Variants in QRSL1 observed in about 807,000 individuals in gnomAD.
QRSL1 encodes the protein glutamyl-tRNA(Gln) amidotransferase subunit A, mitochondrial.
In QRSL1, 54 loss-of-function variants were observed where a neutral mutation model predicts 61.6. That is an observed-to-expected ratio of 0.88 (90% confidence interval 0.70 to 1.10). The LOEUF is 1.10. Ranked by LOEUF, QRSL1 falls within the 50% of genes least tolerant of loss-of-function variation. The pLI is 0.00. For synonymous variants in QRSL1, 228 were observed against 225.7 expected, an observed-to-expected ratio of 1.01 and a Z score of -0.09; for missense variants, 505 against 622.6, an observed-to-expected ratio of 0.81 and a Z score of 2.01.
In QRSL1 at chr6:106,654,715, A is replaced by C. The variant is rs1777240635; in HGVS notation, c.850-15A>C. On this transcript the variant is annotated splice_polypyrimidine_tract_variant and intron_variant, in intron 7 of 10. Coordinates refer to ENST00000369046, the MANE Select transcript of QRSL1 (RefSeq NM_018292.5). ...TATACAGTTCCAATTTTGTATCTTGACTTTTTGCTATAAGGAATATCTTGT... is the reference window on the plus strand; with the variant it reads ...TATACAGTTCCAATTTTGTATCTTGCCTTTTTGCTATAAGGAATATCTTGT... 3 of 1,594,190 alleles carry C rather than the reference A, an allele frequency of 1.9e-6. No homozygotes were observed. Among genetic ancestry groups the C allele is most frequent in the African/African-American group, 1.4e-5 (1 of 73,746 alleles).
chr6:106,641,044 TA>T (rs1268616656), intron 3 of QRSL1, 123 bp downstream of exon 3: 6 of 698,142 alleles, frequency 8.6e-6, no homozygotes, highest in Admixed American at 3.1e-5. Flanking sequence ...ATTTAGAATA[TA>T]ATATCATGTT....
chr6:106,660,355 TGTA>T (rs1289147931), intron 9 of QRSL1, among the ~76,000 whole-genome samples: 1 of 129,076 alleles, frequency 7.7e-6, no homozygotes, highest in Non-Finnish European at 1.6e-5. Flanking sequence ...CTAGGACTAC[TGTA>T]GTTTTTTTTG....
chr6:106,649,474 C>T (rs1453800922), intron 5 of QRSL1, among the ~76,000 whole-genome samples: 1 of 152,162 alleles, frequency 6.6e-6, no homozygotes, highest in East Asian at 1.9e-4. Flanking sequence ...AATAAAGCAT[C>T]GAACATAAAT....
intron 1 of QRSL1, among the ~76,000 whole-genome samples, chr6:106,639,920 G>A (rs1776990427): frequency 6.6e-6 from 1 of 152,104 alleles, no homozygotes; most frequent in African/African-American, 2.4e-5. Context: ...TATTTAGAGA[G>A]CCATAAAAAT....
chr6:106,655,073 T>G, intron 8 of QRSL1, 151 bp downstream of exon 8: 2 of 746,894 alleles, frequency 2.7e-6, no homozygotes. Flanking sequence ...CATTTTAGAC[T>G]TGTACTTACA....
At chr6:106,642,367 C>A in intron 3 of QRSL1, 1 of 392,976 alleles carries the variant, frequency 2.5e-6, no homozygotes, top group African/African-American at 2.1e-5. Context: ...ACTCTTGTTT[C>A]TTACATATGA....
At chr6:106,640,613 T>C (rs1777002545) in intron 2 of QRSL1, 105 bp downstream of exon 2, 2 of 1,130,302 alleles carry the variant, frequency 1.8e-6, no homozygotes, top group African/African-American at 3.2e-5. Flanking sequence ...AACCATAGCC[T>C]TATTTAAAGA....
intron 1 of QRSL1, 42 bp from the exon 2 acceptor site, chr6:106,640,307 C>T: frequency 1.4e-6 from 2 of 1,481,366 alleles, no homozygotes; most frequent in South Asian, 2.3e-5. Context: ...ATTGAAACTT[C>T]TGCAGACTCA....
intron 9 of QRSL1, among the ~76,000 whole-genome samples, chr6:106,660,086 T>C (rs1313266496): frequency 6.6e-6 from 1 of 152,228 alleles, no homozygotes; most frequent in Non-Finnish European, 1.5e-5. Flanking sequence ...CAGATCTCTG[T>C]CCCTTTAACT....
intron 4 of QRSL1, among the ~76,000 whole-genome samples, chr6:106,647,558 A>AAAG (rs1158221097): frequency 7.2e-6 from 1 of 138,572 alleles, no homozygotes; most frequent in Non-Finnish European, 1.5e-5. Context: ...GACTGTCTCA[A>AAAG]AAAAAAAAAA....
At chr6:106,653,341 A>C (rs1233797889) in intron 7 of QRSL1, 1 of 152,236 alleles carries the variant, frequency 6.6e-6, no homozygotes, top group Non-Finnish European at 1.5e-5. Flanking sequence ...GCATTGTAAG[A>C]TGTTTAGTAG....
Position 106,629,831 on chromosome 6 carries a change from G to C in QRSL1, c.24+126G>C, listed in dbSNP as rs528180195. On this transcript the variant is annotated intron_variant, in intron 1 of 10. Transcript: ENST00000369046. ...TCGCTGCTTCCTCTAGAACTGAGTG[G>C]GGGATAAGTACCTTTCGATTCTTCG... is the stretch of plus-strand genomic sequence containing the variant. 4 of 1,165,320 alleles carry C rather than the reference G, an allele frequency of 3.4e-6. No homozygotes were observed. In the African/African-American group the frequency reaches 4.6e-5, roughly 13 times the overall value. 72.2% of individuals were successfully genotyped at this position (1,165,320 alleles called of 1,614,324 possible).
chr6:106,630,337 C>T (rs1301510468), intron 1 of QRSL1, among the ~76,000 whole-genome samples: 2 of 152,126 alleles, frequency 1.3e-5, no homozygotes, highest in Admixed American at 1.3e-4. Context: ...CTCTCAACCC[C>T]CGTCTTAAAA....
chr6:106,634,926 A>G (rs927777094), intron 1 of QRSL1, among the ~76,000 whole-genome samples: 1 of 152,134 alleles, frequency 6.6e-6, no homozygotes, highest in Non-Finnish European at 1.5e-5. Context: ...GTTTTGGGCT[A>G]GGGCAGTTGG....
chr6:106,665,732 C>A, intron 10 of QRSL1, 50 bp from the exon 11 acceptor site: 1 of 1,510,832 alleles, frequency 6.6e-7, no homozygotes, highest in Non-Finnish European at 9.2e-7. Context: ...GAGGTCTCTG[C>A]TAATTAGGGT....
intron 1 of QRSL1, among the ~76,000 whole-genome samples, chr6:106,634,596 T>C (rs1562163433): frequency 6.6e-6 from 1 of 152,154 alleles, no homozygotes; most frequent in Non-Finnish European, 1.5e-5. Flanking sequence ...GCGAACCCTG[T>C]CTTTACAAAA....
intron 1 of QRSL1, 115 bp downstream of exon 1, chr6:106,629,820 A>G (rs1776777277): frequency 3.1e-6 from 4 of 1,272,996 alleles, no homozygotes; most frequent in Middle Eastern, 1.9e-4. Flanking sequence ...TGCTTCCTCT[A>G]GAACTGAGTG....
At chr6:106,638,252 G>A (rs1244178689) in intron 1 of QRSL1, among the ~76,000 whole-genome samples, 4 of 152,036 alleles carry the variant, frequency 2.6e-5, no homozygotes, top group Non-Finnish European at 5.9e-5. Flanking sequence ...ATGTTAAAAC[G>A]CACTGCTCTC....
At chr6:106,651,782 A>G (rs1299257228) in intron 5 of QRSL1, among the ~76,000 whole-genome samples, 1 of 152,202 alleles carries the variant, frequency 6.6e-6, no homozygotes, top group East Asian at 1.9e-4. Context: ...TCAACATCAG[A>G]AGAAAGTGCA....
Sources: allele counts gnomAD v4.1 joint callset (sites outside exome capture counted in the v4.1 genomes callset), GRCh38; gene constraint gnomAD v4.1.1; transcripts MANE v1.5; gene names NCBI Gene and HGNC (gene_info 2026-07-23, HGNC 2026-07-21).